LIPC: variants seen among roughly 807,000 people sequenced by gnomAD.
LIPC encodes lipase C, hepatic type.
LIPC carries 44 observed loss-of-function variants against 50.7 expected under a neutral mutation model. The observed-to-expected ratio is 0.87, with a 90% CI of 0.68 to 1.11. The LOEUF is 1.11. Ranked by LOEUF, LIPC falls within the 50% of genes most tolerant of loss-of-function variation. LIPC has a pLI of 0.00. For missense variants in LIPC, 697 were observed against 648.2 expected, an observed-to-expected ratio of 1.08 and a Z score of -0.82; for synonymous variants, 271 against 256.4, an observed-to-expected ratio of 1.06 and a Z score of -0.54.
At chr15:58,473,194 T>C (rs1273495998) in intron 1 of LIPC, among the ~76,000 whole-genome samples, 1 of 152,070 alleles carries the variant, frequency 6.6e-6, no homozygotes, top group Non-Finnish European at 1.5e-5. Flanking sequence ...GCATTTCCTA[T>C]GTTTATGCTG....
intron 1 of LIPC, among the ~76,000 whole-genome samples, chr15:58,505,373 A>G (rs1397699045): frequency 6.6e-6 from 1 of 152,218 alleles, no homozygotes; most frequent in Admixed American, 6.5e-5. Context: ...TAAAAGATTC[A>G]TGTACTTTAT....
intron 6 of LIPC, among the ~76,000 whole-genome samples, chr15:58,556,241 T>G (rs1458228448): frequency 6.6e-6 from 1 of 152,214 alleles, no homozygotes; most frequent in East Asian, 1.9e-4. Context: ...TCAGAGAGCC[T>G]GTGAAGTACT....
At chr15:58,489,580 G>C (rs1891510893) in intron 1 of LIPC, among the ~76,000 whole-genome samples, 1 of 152,190 alleles carries the variant, frequency 6.6e-6, no homozygotes, top group Non-Finnish European at 1.5e-5. Flanking sequence ...TGAGCCTCAA[G>C]TCCGGATGTA....
intron 1 of LIPC, among the ~76,000 whole-genome samples, chr15:58,453,387 T>C (rs1180435571): frequency 6.6e-6 from 1 of 152,094 alleles, no homozygotes; most frequent in Non-Finnish European, 1.5e-5. Context: ...TTCCGCATTC[T>C]CGGTAAGTGA....
intron 1 of LIPC, among the ~76,000 whole-genome samples, chr15:58,449,521 G>T (rs141247748): frequency 1.3e-5 from 2 of 151,942 alleles, no homozygotes; most frequent in Non-Finnish European, 2.9e-5. Flanking sequence ...ATCCATGCAG[G>T]TTGCTGGGAG....
At chr15:58,529,078 G>T (rs1490883775) in intron 1 of LIPC, among the ~76,000 whole-genome samples, 1 of 152,140 alleles carries the variant, frequency 6.6e-6, no homozygotes, top group African/African-American at 2.4e-5. Context: ...TGGCAATTGT[G>T]TAGTTTATGT....
At chr15:58,474,582 G>C (rs1305168692) in intron 1 of LIPC, among the ~76,000 whole-genome samples, 1 of 151,772 alleles carries the variant, frequency 6.6e-6, no homozygotes, top group Admixed American at 6.6e-5. Context: ...TTTGATGTAG[G>C]TAATTTATCA....
intron 1 of LIPC, among the ~76,000 whole-genome samples, chr15:58,490,230 G>GT (rs1227196535): frequency 6.6e-6 from 1 of 152,118 alleles, no homozygotes; most frequent in African/African-American, 2.4e-5. Context: ...CAGGCACAGG[G>GT]TATCAGGCCA....
chr15:58,534,720 T>A (rs1893059085), intron 1 of LIPC, among the ~76,000 whole-genome samples: 2 of 152,208 alleles, frequency 1.3e-5, no homozygotes, highest in African/African-American at 2.4e-5. Flanking sequence ...CCCTCTTTGA[T>A]GTGGCCAAAA....
intron 1 of LIPC, among the ~76,000 whole-genome samples, chr15:58,500,168 A>G (rs1268990349): frequency 6.6e-6 from 1 of 152,124 alleles, no homozygotes; most frequent in Non-Finnish European, 1.5e-5. Flanking sequence ...TGGAAAGAGC[A>G]TGGGTTTGGG....
chr15:58,539,203 T>C (rs1427350032), intron 2 of LIPC, among the ~76,000 whole-genome samples: 1 of 152,210 alleles, frequency 6.6e-6, no homozygotes, highest in Non-Finnish European at 1.5e-5. Flanking sequence ...GCAAGGTTTT[T>C]ACAAGAGCTT....
chr15:58,550,533 T>C (rs1195975358), intron 6 of LIPC, among the ~76,000 whole-genome samples: 1 of 152,122 alleles, frequency 6.6e-6, no homozygotes, highest in Non-Finnish European at 1.5e-5. Flanking sequence ...CATTAGGGCA[T>C]CATTATCTCA....
At position 58,437,949 on chromosome 15, in the gene LIPC, G is replaced by T. The variant is rs541347634; in HGVS notation, c.88+5829G>T. Among the ~76,000 whole-genome samples the T allele has an allele frequency of 1.8e-3, 271 of 152,272 alleles. 3 individuals carry two copies. The highest frequency in any genetic ancestry group is 2.3e-3 in the Non-Finnish European group (155 of 68,020). ...AAAGGTCCACCCTGGAGAGACGGGGGACAGCAGCCTGTCCTCCACTCTGCT... is the reference window on the plus strand; with the variant it reads ...AAAGGTCCACCCTGGAGAGACGGGGTACAGCAGCCTGTCCTCCACTCTGCT... On this transcript the variant is annotated intron_variant, in intron 1 of 8. Transcript: ENST00000299022.
chr15:58,490,002 G>A (rs2414582), intron 1 of LIPC, among the ~76,000 whole-genome samples: 17,934 of 151,802 alleles, frequency 0.12, 1,232 homozygotes, highest in Non-Finnish European at 0.17. Context: ...ATACTGTGGG[G>A]AAAAGAAAAA....
chr15:58,533,913 G>C (rs946624135), intron 1 of LIPC, among the ~76,000 whole-genome samples: 2 of 152,010 alleles, frequency 1.3e-5, no homozygotes, highest in African/African-American at 2.4e-5. Flanking sequence ...ATATGAAACA[G>C]TTAAAAGTCT....
chr15:58,485,522 C>G (rs1392802025), intron 1 of LIPC, among the ~76,000 whole-genome samples: 1 of 134,104 alleles, frequency 7.5e-6, no homozygotes, highest in African/African-American at 2.7e-5. Context: ...ACGTGCTGAT[C>G]TCGGGCTAAG....
At chr15:58,476,170 G>T (rs936549045) in intron 1 of LIPC, among the ~76,000 whole-genome samples, 1 of 152,218 alleles carries the variant, frequency 6.6e-6, no homozygotes, top group Non-Finnish European at 1.5e-5. Flanking sequence ...CTTCAGCTCG[G>T]AAGTAGTGGA....
chr15:58,545,754 C>CG lies in LIPC; in HGVS notation c.590dup (p.Pro198ThrfsTer4), dbSNP rs752584800. ...GCTTTCCCATTAGGGCTGGATGCCG[C>CG]GGGACCTTTGTTTGAGGGAAGTGCC... On this transcript the variant is annotated frameshift_variant, in exon 5 of 9. Coordinates refer to ENST00000299022, the MANE Select transcript of LIPC (RefSeq NM_000236.3). LOFTEE classifies it high-confidence loss of function. The CG allele has an allele frequency of 1.2e-6, 2 of 1,614,042 alleles. No individual in the cohort carries two copies. Among genetic ancestry groups the CG allele is most frequent in the Admixed American group, 1.7e-5 (1 of 60,004 alleles).
intron 1 of LIPC, among the ~76,000 whole-genome samples, chr15:58,472,929 G>T (rs1890860935): frequency 6.6e-6 from 1 of 152,204 alleles, no homozygotes; most frequent in South Asian, 2.1e-4. Flanking sequence ...CTGTTACTAA[G>T]AGGGGAAGGG....
Sources: gnomAD v4.1 joint callset for allele counts (sites outside exome capture counted in the v4.1 genomes callset) on GRCh38, gnomAD v4.1.1 for gene constraint, MANE v1.5 for transcripts, NCBI Gene and HGNC (gene_info 2026-07-23, HGNC 2026-07-21) for gene names.